TMCC1: variants seen among roughly 807,000 people sequenced by gnomAD.
The protein encoded by TMCC1 is transmembrane and coiled-coil domain family 1, also known as transmembrane and coiled-coil domains protein 1.
In TMCC1, 15 loss-of-function variants were observed where a neutral mutation model predicts 52.4. The ratio of observed to expected loss-of-function variants is 0.29; its 90% CI spans 0.19 to 0.44. The LOEUF is 0.44. TMCC1 is among the 20% of genes least tolerant of loss of function. The pLI is 1.00. For synonymous variants in TMCC1, 279 were observed against 301.9 expected (o/e 0.92, Z 0.79); for missense variants, 503 against 806.0 (o/e 0.62, Z 4.55).
chr3:129,658,023 G>C (rs946630316), intron 5 of TMCC1, among the ~76,000 whole-genome samples: 5 of 152,184 alleles, frequency 3.3e-5, no homozygotes, highest in Non-Finnish European at 5.9e-5. Flanking sequence ...AGTGTTCACT[G>C]TACAACAATA....
At chr3:129,657,687 G>A (rs1168619222) in intron 5 of TMCC1, among the ~76,000 whole-genome samples, 1 of 152,204 alleles carries the variant, frequency 6.6e-6, no homozygotes, top group Non-Finnish European at 1.5e-5. Context: ...TTTGGAGTCT[G>A]ATGTCAAAGT....
In TMCC1 at chr3:129,665,683, T is replaced by C. The variant is rs189313582; in HGVS notation, c.1511+4647A>G. Among the ~76,000 whole-genome samples the C allele has an allele frequency of 1.2e-4, 18 of 152,310 alleles. No homozygotes were observed. The East Asian group carries it at 3.5e-3, about 29-fold the overall frequency. ...GCTTTCAACCATATAGATTTCGGGA[T>C]TGAGCTTTGAAAAAAATCATCCTGG... On this transcript the variant is annotated intron_variant, in intron 5 of 6. Coordinates refer to ENST00000393238, the MANE Select transcript of TMCC1 (RefSeq NM_001017395.5).
intron 4 of TMCC1, among the ~76,000 whole-genome samples, chr3:129,749,118 C>T (rs1009289446): frequency 5.3e-5 from 8 of 150,312 alleles, no homozygotes; most frequent in African/African-American, 2.0e-4. Flanking sequence ...CCCTCAACCA[C>T]CCCCCACCAA....
intron 4 of TMCC1, among the ~76,000 whole-genome samples, chr3:129,781,487 G>A (rs2055523841): frequency 6.6e-6 from 1 of 152,046 alleles, no homozygotes; most frequent in African/African-American, 2.4e-5. Context: ...TCAGCTCTCA[G>A]AACGGTTGTA....
At chr3:129,771,346 T>C (rs1463400564) in intron 4 of TMCC1, among the ~76,000 whole-genome samples, 1 of 152,150 alleles carries the variant, frequency 6.6e-6, no homozygotes, top group Non-Finnish European at 1.5e-5. Context: ...AAAAATAAGG[T>C]TGCAAAGTTG....
intron 4 of TMCC1, among the ~76,000 whole-genome samples, chr3:129,797,732 G>A (rs180983294): frequency 1.3e-5 from 2 of 152,268 alleles, no homozygotes; most frequent in Admixed American, 1.3e-4. Flanking sequence ...GCGACAGAGA[G>A]ACCCTGTCTC....
In TMCC1 at chr3:129,722,162, G is replaced by A. The variant is rs530985435; in HGVS notation, c.577-50898C>T. Among the ~76,000 whole-genome samples the A allele has an allele frequency of 3.3e-5, 5 of 152,328 alleles. No homozygotes were observed. In the South Asian group the frequency reaches 1.0e-3, roughly 32 times the overall value. On this transcript the variant is annotated intron_variant, in intron 4 of 6. Transcript: ENST00000393238. Reference sequence around the variant, plus strand: ...CTGGGCCGCAGACCAGTACAGGTCAGTGGCCTGTTAGGAACCAGGCCACAC... The same window carrying A: ...CTGGGCCGCAGACCAGTACAGGTCAATGGCCTGTTAGGAACCAGGCCACAC...
intron 4 of TMCC1, among the ~76,000 whole-genome samples, chr3:129,707,734 C>T (rs996609648): frequency 3.9e-5 from 6 of 152,014 alleles, no homozygotes; most frequent in Admixed American, 6.5e-5. Flanking sequence ...GAGATCGAGA[C>T]CATCCTGGCT....
chr3:129,789,149 G>A (rs2056267118), intron 4 of TMCC1, among the ~76,000 whole-genome samples: 1 of 152,054 alleles, frequency 6.6e-6, no homozygotes, highest in South Asian at 2.1e-4. Flanking sequence ...TATGCATTCA[G>A]GACTGTTAAT....
chr3:129,761,281 TGGCGCCACTGCA>T (rs1247236987), intron 4 of TMCC1, among the ~76,000 whole-genome samples: 1 of 137,368 alleles, frequency 7.3e-6, no homozygotes, highest in African/African-American at 2.8e-5. Context: ...TGAGCCGAGA[TGGCGCCACTGCA>T]CTCCAGCCTG....
At chr3:129,788,498 T>C (rs2056203191) in intron 4 of TMCC1, among the ~76,000 whole-genome samples, 1 of 152,094 alleles carries the variant, frequency 6.6e-6, no homozygotes. Context: ...AGTGTTGCTC[T>C]GTCGCCCAGA....
chr3:129,863,702 A>G (rs1435200358), intron 2 of TMCC1, among the ~76,000 whole-genome samples: 3 of 152,096 alleles, frequency 2.0e-5, no homozygotes, highest in African/African-American at 7.2e-5. Context: ...TCTCTACTAA[A>G]AATACAAAAA....
chr3:129,716,140 T>G (rs1331613905), intron 4 of TMCC1, among the ~76,000 whole-genome samples: 1 of 147,230 alleles, frequency 6.8e-6, no homozygotes, highest in Admixed American at 7.0e-5. Context: ...CTGGAGAGTT[T>G]CAGCCACTTT....
At chr3:129,746,231 C>T (rs563256785) in intron 4 of TMCC1, among the ~76,000 whole-genome samples, 2 of 151,882 alleles carry the variant, frequency 1.3e-5, no homozygotes, top group South Asian at 2.1e-4. Context: ...AGTGCAGTGG[C>T]GTGATCTCAG....
intron 4 of TMCC1, among the ~76,000 whole-genome samples, chr3:129,800,033 C>A (rs1303713891): frequency 6.6e-6 from 1 of 152,184 alleles, no homozygotes; most frequent in East Asian, 1.9e-4. Flanking sequence ...GTCTTCACTG[C>A]TGTTTCCCCA....
chr3:129,726,307 G>A (rs1385128469), intron 4 of TMCC1, among the ~76,000 whole-genome samples: 1 of 152,162 alleles, frequency 6.6e-6, no homozygotes, highest in African/African-American at 2.4e-5. Flanking sequence ...ATACAAAAAT[G>A]AATAAGATGA....
intron 4 of TMCC1, among the ~76,000 whole-genome samples, chr3:129,751,011 G>A (rs909512546): frequency 2.0e-5 from 3 of 152,034 alleles, no homozygotes; most frequent in African/African-American, 2.4e-5. Flanking sequence ...ACCAGTGTGG[G>A]CAACATGGTA....
chr3:129,755,474 G>C (rs2052916825), intron 4 of TMCC1, among the ~76,000 whole-genome samples: 1 of 152,072 alleles, frequency 6.6e-6, no homozygotes, highest in Admixed American at 6.6e-5. Context: ...ATATTTGTGT[G>C]GGAGAAAATA....
chr3:129,707,464 G>T (rs1368818486), intron 4 of TMCC1, among the ~76,000 whole-genome samples: 1 of 152,120 alleles, frequency 6.6e-6, no homozygotes, highest in African/African-American at 2.4e-5. Context: ...AATAAATGTG[G>T]AAGACCTCTG....
Sources: gnomAD v4.1 joint callset for allele counts (sites outside exome capture counted in the v4.1 genomes callset) on GRCh38, gnomAD v4.1.1 for gene constraint, MANE v1.5 for transcripts, NCBI Gene and HGNC (gene_info 2026-07-23, HGNC 2026-07-21) for gene names.